The following NHS variants were observed in gnomAD, a reference collection of about 807,000 sequenced individuals.
NHS encodes actin remodeling regulator NHS.
A neutral mutation model predicts 72.5 loss-of-function variants in NHS; 5 were observed. That is an observed-to-expected ratio of 0.07 (90% CI 0.04 to 0.14). The LOEUF (loss-of-function observed/expected upper bound fraction) is 0.14. Among genes scored for constraint, NHS ranks in the 10% least tolerant of loss-of-function variants. NHS has a pLI of 1.00. For synonymous variants in NHS, 464 were observed against 547.7 expected (o/e 0.85, Z 2.13); for missense variants, 1,072 against 1,355.7 (o/e 0.79, Z 3.29).
At chrX:17,627,527 T>C (rs1480075064) in intron 1 of NHS, among the ~76,000 whole-genome samples, 2 of 111,747 alleles carry the variant, frequency 1.8e-5, no homozygotes, top group African/African-American at 6.5e-5. Flanking sequence ...CTTGAATACA[T>C]TTGGATTGGG....
intron 1 of NHS, among the ~76,000 whole-genome samples, chrX:17,575,054 C>T (rs2065502542): frequency 8.9e-6 from 1 of 112,300 alleles, no homozygotes; most frequent in Non-Finnish European, 1.9e-5. Flanking sequence ...TCATCTCTGG[C>T]ACCACTGCCT....
intron 1 of NHS, among the ~76,000 whole-genome samples, chrX:17,414,766 T>C (rs778396722): frequency 1.8e-5 from 2 of 111,560 alleles, no homozygotes; most frequent in Non-Finnish European, 3.8e-5. Flanking sequence ...TGTTTTCAAG[T>C]ATCCACTCTG....
chrX:17,446,020 C>T (rs746844545), intron 1 of NHS, among the ~76,000 whole-genome samples: 12 of 110,227 alleles, frequency 1.1e-4, no homozygotes, highest in Non-Finnish European at 1.9e-4. Context: ...TTATGTCTTC[C>T]GTTTAGTTTC....
chrX:17,637,133 C>T (rs2065854042), intron 1 of NHS, among the ~76,000 whole-genome samples: 1 of 111,562 alleles, frequency 9.0e-6, no homozygotes, highest in South Asian at 3.8e-4. Context: ...CCAAGGAAGA[C>T]AACTAAGGGC....
At chrX:17,525,924 T>G (rs919694395) in intron 1 of NHS, among the ~76,000 whole-genome samples, 9 of 111,499 alleles carry the variant, frequency 8.1e-5, no homozygotes, top group Middle Eastern at 4.6e-3. Context: ...AAGCAGCTGT[T>G]TTTCATAAAA....
intron 1 of NHS, among the ~76,000 whole-genome samples, chrX:17,592,335 C>T (rs1222761527): frequency 8.9e-6 from 1 of 111,790 alleles, no homozygotes; most frequent in African/African-American, 3.3e-5. Flanking sequence ...CTATATTTAG[C>T]TTTTGTGTCA....
intron 1 of NHS, among the ~76,000 whole-genome samples, chrX:17,396,416 T>A (rs913945134): frequency 2.7e-5 from 3 of 111,525 alleles, no homozygotes. Flanking sequence ...TTTCATTTTT[T>A]AAAATGCTAG....
Position 17,449,391 on chromosome X carries a change from A to G in NHS, c.565+73069A>G, listed in dbSNP as rs144368483. 1.6e-4 allele frequency among the ~76,000 whole-genome samples: 18 copies of G among 112,522 alleles called. 1 individual carries two copies. The highest frequency in any genetic ancestry group is 1.5e-3 in the Admixed American group (16 of 10,626). On this transcript the variant is annotated intron_variant, in intron 1 of 8. Coordinates refer to ENST00000676302, the MANE Select transcript of NHS (RefSeq NM_001291867.2). Reference sequence around the variant, plus strand: ...TCTAAGGCTGCATTTCTGATAGGAAAGAGAAAGGTGGCATATCAGTTACGT... The same window carrying G: ...TCTAAGGCTGCATTTCTGATAGGAAGGAGAAAGGTGGCATATCAGTTACGT...
intron 1 of NHS, among the ~76,000 whole-genome samples, chrX:17,530,565 C>T (rs1164488278): frequency 9.0e-6 from 1 of 111,317 alleles, no homozygotes; most frequent in Non-Finnish European, 1.9e-5. Context: ...CACTGCTGAC[C>T]GACTGAATCT....
At chrX:17,608,822 A>G (rs951530888) in intron 1 of NHS, among the ~76,000 whole-genome samples, 1 of 112,230 alleles carries the variant, frequency 8.9e-6, no homozygotes, top group Non-Finnish European at 1.9e-5. Flanking sequence ...CCTGCTATCT[A>G]TACTCAAGGC....
chrX:17,610,553 C>T (rs1021187641), intron 1 of NHS, among the ~76,000 whole-genome samples: 1 of 111,970 alleles, frequency 8.9e-6, no homozygotes, highest in African/African-American at 3.2e-5. Context: ...CCCTCCAGGT[C>T]ATCCTTTAGT....
chrX:17,463,195 A>G (rs1157651318), intron 1 of NHS, among the ~76,000 whole-genome samples: 1 of 111,957 alleles, frequency 8.9e-6, no homozygotes, highest in Non-Finnish European at 1.9e-5. Context: ...GCTCATTACC[A>G]TAGGACAATG....
At chrX:17,465,426 C>T (rs972843619) in intron 1 of NHS, among the ~76,000 whole-genome samples, 10 of 111,479 alleles carry the variant, frequency 9.0e-5, no homozygotes, top group Non-Finnish European at 1.7e-4. Flanking sequence ...AAGGAAAGGA[C>T]TCTTTATGCC....
chrX:17,589,601 T>G (rs1475278073), intron 1 of NHS, among the ~76,000 whole-genome samples: 1 of 111,656 alleles, frequency 9.0e-6, no homozygotes, highest in Non-Finnish European at 1.9e-5. Flanking sequence ...ACATTTGGGT[T>G]GGTTCCCTAT....
chrX:17,562,537 T>C (rs1485488899), intron 1 of NHS, among the ~76,000 whole-genome samples: 4 of 110,184 alleles, frequency 3.6e-5, no homozygotes, highest in African/African-American at 1.3e-4. Context: ...AGGTGAGAGG[T>C]ATAAGGGAGA....
intron 1 of NHS, among the ~76,000 whole-genome samples, chrX:17,500,540 G>A (rs756732779): frequency 8.9e-6 from 1 of 111,745 alleles, no homozygotes; most frequent in South Asian, 3.8e-4. Flanking sequence ...GTCTGGCCAC[G>A]TTTCCTCCTG....
chrX:17,676,412 GA>G (rs1238353997), intron 1 of NHS, among the ~76,000 whole-genome samples: 1 of 112,038 alleles, frequency 8.9e-6, no homozygotes, highest in Non-Finnish European at 1.9e-5. Context: ...CTGCTCTCAA[GA>G]AACTATGAGT....
At chrX:17,712,253 G>GTGTATATATA (rs1465304467) in intron 3 of NHS, among the ~76,000 whole-genome samples, 14 of 50,136 alleles carry the variant, frequency 2.8e-4, no homozygotes, top group Non-Finnish European at 4.0e-4. Flanking sequence ...TTGTGTGTGT[G>GTGTATATATA]TATATATATA....
intron 1 of NHS, among the ~76,000 whole-genome samples, chrX:17,433,743 G>A (rs914428720): frequency 8.9e-6 from 1 of 112,115 alleles, no homozygotes; most frequent in Non-Finnish European, 1.9e-5. Context: ...GAAGCTGTGT[G>A]CCTGAAAAAC....
Sources: gnomAD v4.1 joint callset for allele counts (sites outside exome capture counted in the v4.1 genomes callset) on GRCh38, gnomAD v4.1.1 for gene constraint, MANE v1.5 for transcripts, NCBI Gene and HGNC (gene_info 2026-07-23, HGNC 2026-07-21) for gene names.